PCMTD2: variants seen among roughly 807,000 people sequenced by gnomAD.
PCMTD2 encodes protein-L-isoaspartate (D-aspartate) O-methyltransferase domain containing 2, also known as protein-L-isoaspartate O-methyltransferase domain-containing protein 2.
Under a neutral mutation model 33.4 loss-of-function variants are expected in PCMTD2, and 16 were observed. That is an observed-to-expected ratio of 0.48 (90% CI 0.32 to 0.73). The LOEUF (loss-of-function observed/expected upper bound fraction) is 0.73. PCMTD2 is among the 30% of genes least tolerant of loss of function. PCMTD2 has a pLI of 0.03. For missense variants in PCMTD2, 374 were observed against 449.9 expected (o/e 0.83, Z 1.53); for synonymous variants, 161 against 160.8 (o/e 1.00, Z -0.01).
In PCMTD2 at chr20:64,265,285, T is replaced by A. The variant is rs773718503; in HGVS notation, c.438T>A (p.Val146=). The change falls in exon 4 of 6, where the codon GTT becomes GTA. Residue 146 remains valine, a synonymous_variant. Coordinates refer to ENST00000308824, the MANE Select transcript of PCMTD2 (RefSeq NM_018257.3). ...TTGACTTCTGTGAACCTTCCTTTGT[T>A]ACTGGGAATTGCCTGGAGATTTCTC... The part of the protein sequence containing the change: ...DKFDFCEPSF[V]TGNCLEISPD... 6.2e-7 allele frequency: 1 copy of A among 1,604,132 alleles called. No homozygotes were observed. Among genetic ancestry groups the A allele is most frequent in the Non-Finnish European group, 8.5e-7 (1 of 1,177,370 alleles).
intron 5 of PCMTD2, 129 bp downstream of exon 5, chr20:64,268,139 A>G: frequency 1.6e-6 from 1 of 619,128 alleles, no homozygotes; most frequent in South Asian, 2.4e-5. Context: ...GAAACTGTAA[A>G]ATTCTACAAG....
chr20:64,273,144 A>C, intron 5 of PCMTD2, 77 bp from the exon 6 acceptor site: 1 of 1,205,394 alleles, frequency 8.3e-7, no homozygotes, highest in South Asian at 1.5e-5. Context: ...AAATGATGCT[A>C]CGGGTCTTAG....
intron 4 of PCMTD2, among the ~76,000 whole-genome samples, chr20:64,267,094 ATC>A (rs1985690831): frequency 6.6e-6 from 1 of 152,222 alleles, no homozygotes; most frequent in Non-Finnish European, 1.5e-5. Context: ...CCAGCATATA[ATC>A]ATAGCATGAA....
chr20:64,269,623 T>C (rs982892547), intron 5 of PCMTD2, among the ~76,000 whole-genome samples: 8 of 152,154 alleles, frequency 5.3e-5, no homozygotes, highest in Admixed American at 5.2e-4. Flanking sequence ...ATACGTGATA[T>C]GGGGTCATGT....
chr20:64,257,437 T>A (rs1456446010), intron 1 of PCMTD2, among the ~76,000 whole-genome samples: 1 of 152,244 alleles, frequency 6.6e-6, no homozygotes, highest in African/African-American at 2.4e-5. Context: ...GTGCACAGTA[T>A]CATCGAGTGC....
Position 64,274,634 on chromosome 20 carries a change from T to C in PCMTD2, c.*1034T>C, listed in dbSNP as rs1986042629. ...ATTCATAGATTCTATCTTTTATAAT[T>C]CTGGAGAAAAAGATTTGTTAGTTTT... On this transcript the variant is annotated 3_prime_UTR_variant, in exon 6 of 6. Transcript: ENST00000308824. The C allele has an allele frequency of 6.6e-6, 1 of 152,240 alleles. No homozygotes were observed. The highest frequency in any genetic ancestry group is 2.4e-5 in the African/African-American group (1 of 41,458). The allele number at this position is 152,240 out of a possible 1,614,324, so 9.4% of individuals were successfully genotyped here.
At chr20:64,265,919 CTTGT>C (rs2145760990) in intron 4 of PCMTD2, among the ~76,000 whole-genome samples, 1 of 152,220 alleles carries the variant, frequency 6.6e-6, no homozygotes, top group East Asian at 1.9e-4. Flanking sequence ...TTTGGTCATG[CTTGT>C]TTGTCTGTGT....
intron 1 of PCMTD2, 31 bp downstream of exon 1, chr20:64,255,901 G>T: frequency 6.5e-6 from 1 of 154,664 alleles, no homozygotes; most frequent in South Asian, 1.9e-4. Flanking sequence ...GCCGCCCCTC[G>T]GTCCGGCCTG....
intron 4 of PCMTD2, among the ~76,000 whole-genome samples, chr20:64,266,843 G>T (rs1985681295): frequency 6.6e-6 from 1 of 151,998 alleles, no homozygotes; most frequent in Non-Finnish European, 1.5e-5. Context: ...TGAAATAGGG[G>T]TTTATATAGT....
intron 2 of PCMTD2, among the ~76,000 whole-genome samples, chr20:64,260,840 C>T (rs752396870): frequency 9.9e-5 from 15 of 151,602 alleles, no homozygotes; most frequent in Non-Finnish European, 1.5e-4. Flanking sequence ...GCCACAGGCA[C>T]GCACCACCAC....
chr20:64,259,386 CTTTTTTT>C (rs3076992), intron 1 of PCMTD2, among the ~76,000 whole-genome samples: 1,346 of 118,688 alleles, frequency 0.011, 21 homozygotes, highest in African/African-American at 0.044. Flanking sequence ...TTTCTTTTCT[CTTTTTTT>C]TTTTTTTTTT....
rs553941974 is a variant in PCMTD2 at position 64,273,301 on chromosome 20, A to T, written c.787A>T (p.Thr263Ser). The change falls in exon 6 of 6, where the codon ACT becomes TCT. Residue 263 changes from threonine (T) to serine (S), a missense_variant. Coordinates refer to ENST00000308824, the MANE Select transcript of PCMTD2 (RefSeq NM_018257.3). ...CATTAAAAAGATTATTCATCAGGAA[A>T]CTGTGAGCAAAAACGGAAACGGACT... ...GTIKKIIHQETVSKNGNGLKN... is the reference protein window; with the variant it reads ...GTIKKIIHQESVSKNGNGLKN... The T allele has an allele frequency of 6.2e-7, 1 of 1,614,086 alleles. No homozygotes were observed. Among genetic ancestry groups the T allele is most frequent in the African/African-American group, 1.3e-5 (1 of 74,926 alleles).
chr20:64,256,523 A>G (rs1429392827), intron 1 of PCMTD2: 1 of 152,210 alleles, frequency 6.6e-6, no homozygotes, highest in Non-Finnish European at 1.5e-5. Context: ...TCGTGTGACT[A>G]GAATAGTTTT....
rs757342095 is a variant in PCMTD2 at position 64,275,848 on chromosome 20, T to C, written c.*2248T>C. ...GAAAAGTAGTAAAGCCATAGACTTG[T>C]GCAAAACAAGTTTCAAGTTTATAGA... On this transcript the variant is annotated 3_prime_UTR_variant, in exon 6 of 6. Transcript: ENST00000308824. 6.6e-6 allele frequency: 1 copy of C among 152,246 alleles called. No individual in the cohort carries two copies. Among genetic ancestry groups the C allele is most frequent in the Non-Finnish European group, 1.5e-5 (1 of 68,026 alleles). The allele number at this position is 152,246 out of a possible 1,614,324, so 9.4% of individuals were successfully genotyped here.
intron 1 of PCMTD2, among the ~76,000 whole-genome samples, chr20:64,259,046 G>A (rs779781008): frequency 5.9e-5 from 9 of 152,212 alleles, no homozygotes; most frequent in East Asian, 1.9e-4. Flanking sequence ...GGCAGGTTGG[G>A]AGAAGGTAAG....
intron 5 of PCMTD2, among the ~76,000 whole-genome samples, chr20:64,268,332 C>T (rs1985744204): frequency 6.6e-6 from 1 of 152,242 alleles, no homozygotes; most frequent in African/African-American, 2.4e-5. Context: ...CTGGGAGGGG[C>T]TTACAGAAAG....
chr20:64,265,453 AT>A, intron 4 of PCMTD2, 24 bp downstream of exon 4: 1 of 1,571,242 alleles, frequency 6.4e-7, no homozygotes, highest in Non-Finnish European at 8.7e-7. Context: ...CATAACTGAC[AT>A]TTCTGCACAC....
chr20:64,268,373 A>ATC, intron 5 of PCMTD2, among the ~76,000 whole-genome samples: 1 of 152,344 alleles, frequency 6.6e-6, no homozygotes, highest in South Asian at 2.1e-4. Flanking sequence ...CTACAGAGTC[A>ATC]TGGGGCTTCT....
chr20:64,258,416 C>T (rs1985259871), intron 1 of PCMTD2, among the ~76,000 whole-genome samples: 1 of 152,178 alleles, frequency 6.6e-6, no homozygotes, highest in Non-Finnish European at 1.5e-5. Context: ...ATGACTGGAC[C>T]ATCCTATTGA....
Sources: gnomAD v4.1 joint callset for allele counts (sites outside exome capture counted in the v4.1 genomes callset) on GRCh38, gnomAD v4.1.1 for gene constraint, MANE v1.5 for transcripts, NCBI Gene and HGNC (gene_info 2026-07-23, HGNC 2026-07-21) for gene names.